KIF17: variants seen among roughly 807,000 people sequenced by gnomAD.
KIF17 encodes the protein kinesin-like protein KIF17.
In KIF17, 80 loss-of-function variants were observed where a neutral mutation model predicts 96.8. That is an observed-to-expected ratio of 0.83 (90% CI 0.69 to 1.00). KIF17 has a LOEUF of 1.00. Ranked by LOEUF, KIF17 falls within the 50% of genes least tolerant of loss-of-function variation. The pLI is 0.00. For synonymous variants in KIF17, 567 were observed against 587.5 expected, an observed-to-expected ratio of 0.97 and a Z score of 0.51; for missense variants, 1,280 against 1,372.9, an observed-to-expected ratio of 0.93 and a Z score of 1.07.
intron 6 of KIF17, among the ~76,000 whole-genome samples, chr1:20,697,013 G>C (rs1004322504): frequency 6.6e-6 from 1 of 152,200 alleles, no homozygotes; most frequent in Non-Finnish European, 1.5e-5. Context: ...GCACCATCGA[G>C]CCTCTCCCCA....
Position 20,666,337 on chromosome 1 carries a change from G to A in KIF17, c.2791-6C>T, listed in dbSNP as rs1292266786. Reference sequence around the variant, plus strand: ...AGCCTGTAGCGGTCGTCCTCCTGCCGAGATGCAGATGCCCGTGGTCACGTC... The same window carrying A: ...AGCCTGTAGCGGTCGTCCTCCTGCCAAGATGCAGATGCCCGTGGTCACGTC... On this transcript the variant is annotated splice_region_variant and splice_polypyrimidine_tract_variant and intron_variant, in intron 13 of 14. Transcript: ENST00000400463. 3 of 1,604,734 alleles carry A rather than the reference G, an allele frequency of 1.9e-6. No individual in the cohort carries two copies. Among genetic ancestry groups the A allele is most frequent in the Admixed American group, 1.7e-5 (1 of 60,014 alleles).
intron 2 of KIF17, among the ~76,000 whole-genome samples, chr1:20,714,053 C>T (rs1191619094): frequency 2.6e-5 from 4 of 151,910 alleles, no homozygotes; most frequent in African/African-American, 9.7e-5. Context: ...CTAGGCCAAG[C>T]GCGGTGGCTC....
At chr1:20,668,010 CAAAA>C (rs796242617) in intron 13 of KIF17, among the ~76,000 whole-genome samples, 2 of 119,324 alleles carry the variant, frequency 1.7e-5, no homozygotes, top group African/African-American at 3.1e-5. Context: ...AACTCTGTCT[CAAAA>C]AAAAAAAAAG....
intron 13 of KIF17, among the ~76,000 whole-genome samples, chr1:20,667,184 C>T (rs1225964734): frequency 6.6e-6 from 1 of 152,182 alleles, no homozygotes. Context: ...TCTGTATTTG[C>T]AGCTGCTCCC....
chr1:20,704,585 C>G lies in KIF17; in HGVS notation c.985G>C (p.Ala329Pro). The G allele has an allele frequency of 6.2e-7, 1 of 1,614,150 alleles. No homozygotes were observed. Among genetic ancestry groups the G allele is most frequent in the Non-Finnish European group, 8.5e-7 (1 of 1,180,002 alleles). Residue 329 changes from alanine (A) to proline (P), a missense_variant, in exon 5 of 15, where the codon GCC (alanine) becomes CCC (proline). By Grantham distance (27) the Ala-to-Pro change is conservative. Coordinates refer to ENST00000400463, the MANE Select transcript of KIF17 (RefSeq NM_001122819.3). This position sits in a 1 kb window ranked among gnomAD's most constrained non-coding sequence, Gnocchi z 6.8. ...TTCCTGATGTTCTTGGCCCGGTTGG[C>G]GTAGCGCAGCGTGCTGAGTGTCTCA... The part of the protein sequence containing the change: ...YDETLSTLRY[A>P]NRAKNIRNKP...
intron 6 of KIF17, among the ~76,000 whole-genome samples, chr1:20,697,956 TGTC>T (rs1370570972): frequency 5.3e-5 from 8 of 152,164 alleles, no homozygotes; most frequent in Non-Finnish European, 1.0e-4. Flanking sequence ...CTCTCAGACT[TGTC>T]GTCGGCTGCT....
chr1:20,677,227 A>G (rs1313820724), intron 11 of KIF17, among the ~76,000 whole-genome samples: 4 of 152,264 alleles, frequency 2.6e-5, no homozygotes, highest in Middle Eastern at 6.8e-3. Flanking sequence ...GAAAAGGAAA[A>G]TCCAGGTTTT....
chr1:20,711,145 A>G (rs2054428560), intron 3 of KIF17, among the ~76,000 whole-genome samples: 1 of 152,152 alleles, frequency 6.6e-6, no homozygotes, highest in Non-Finnish European at 1.5e-5. Flanking sequence ...TCCTATTTCT[A>G]CAAGATTATT....
intron 3 of KIF17, among the ~76,000 whole-genome samples, chr1:20,712,823 GATATTATCTATATTATAGATATAGATA>G (rs1338095273): frequency 1.0e-4 from 3 of 28,920 alleles, no homozygotes; most frequent in Admixed American, 7.9e-4. Flanking sequence ...ATATAATATA[GATATTATCTATATTATAGATATAGATA>G]ATATTATCTA....
intron 11 of KIF17, among the ~76,000 whole-genome samples, chr1:20,678,049 A>C (rs2053768900): frequency 6.6e-6 from 1 of 152,254 alleles, no homozygotes; most frequent in South Asian, 2.1e-4. Flanking sequence ...GACATACCCG[A>C]CACTGGGTAA....
intron 3 of KIF17, among the ~76,000 whole-genome samples, chr1:20,712,868 GATATTATCTATAT>G (rs2054494804): frequency 1.1e-3 from 34 of 32,244 alleles, no homozygotes; most frequent in African/African-American, 4.1e-3. Context: ...CTATATTATA[GATATTATCTATAT>G]ATAATATAGA....
At chr1:20,677,003 G>T (rs1269880827) in intron 11 of KIF17, among the ~76,000 whole-genome samples, 1 of 152,010 alleles carries the variant, frequency 6.6e-6, no homozygotes, top group Non-Finnish European at 1.5e-5. Context: ...TTGAGCCCAG[G>T]AGTTTGGGAC....
intron 13 of KIF17, 33 bp downstream of exon 13, chr1:20,670,388 C>G: frequency 1.9e-6 from 3 of 1,606,952 alleles, no homozygotes; most frequent in Non-Finnish European, 2.6e-6. Context: ...CTCCCAGCCC[C>G]CGACACCCCA....
At chr1:20,713,000 G>GAT (rs1002936010) in intron 3 of KIF17, among the ~76,000 whole-genome samples, 1 of 134,526 alleles carries the variant, frequency 7.4e-6, no homozygotes, top group African/African-American at 2.8e-5. Context: ...ATATAATATA[G>GAT]ATATATATAT....
chr1:20,662,750 A>G (rs181520128), downstream of KIF17, among the ~76,000 whole-genome samples: 345 of 152,300 alleles, frequency 2.3e-3, 1 homozygote, highest in Non-Finnish European at 4.0e-3. Flanking sequence ...GCTTCCATGG[A>G]ACAGGAATGG....
At chr1:20,697,380 G>A (rs1385664437) in intron 6 of KIF17, among the ~76,000 whole-genome samples, 1 of 152,192 alleles carries the variant, frequency 6.6e-6, no homozygotes, top group African/African-American at 2.4e-5. Flanking sequence ...GGTTGAGGTG[G>A]GAGGATCTCT....
At chr1:20,671,253 T>C (rs189170810) in intron 12 of KIF17, among the ~76,000 whole-genome samples, 1 of 152,314 alleles carries the variant, frequency 6.6e-6, no homozygotes, top group African/African-American at 2.4e-5. Flanking sequence ...AGGATAACAA[T>C]GACATGCAGC....
At chr1:20,706,943 A>G (rs867682218) in intron 4 of KIF17, among the ~76,000 whole-genome samples, 2 of 152,194 alleles carry the variant, frequency 1.3e-5, no homozygotes, top group South Asian at 4.2e-4. Flanking sequence ...ACACCACCAA[A>G]AACAGCTGGG....
At position 20,669,378 on chromosome 1, in the gene KIF17, A is replaced by T. The variant is rs1265275022; in HGVS notation, c.2790+1043T>A. 2.0e-5 allele frequency among the ~76,000 whole-genome samples: 3 copies of T among 151,802 alleles called. No homozygotes were observed. The East Asian group carries it at 5.8e-4, about 29-fold the overall frequency. On this transcript the variant is annotated intron_variant, in intron 13 of 14. Transcript: ENST00000400463. ...CAGTGAAACCCCGTCTCTACTAAAA[A>T]TACAAAAAATTAGCCGGGCTTGGTG...
Sources: allele counts gnomAD v4.1 joint callset (sites outside exome capture counted in the v4.1 genomes callset), GRCh38; gene constraint gnomAD v4.1.1; non-coding constraint Gnocchi (gnomAD v3.1); transcripts MANE v1.5; gene names NCBI Gene and HGNC (gene_info 2026-07-23, HGNC 2026-07-21).